SEMA5A: variants seen among roughly 807,000 people sequenced by gnomAD.
SEMA5A encodes the protein semaphorin 5A.
Under a neutral mutation model 135.5 loss-of-function variants are expected in SEMA5A, and 55 were observed. The ratio of observed to expected loss-of-function variants is 0.41; its 90% CI spans 0.33 to 0.51. The LOEUF is 0.51. Ranked by LOEUF, SEMA5A falls within the 20% of genes least tolerant of loss-of-function variation. SEMA5A has a pLI of 0.37. For synonymous variants in SEMA5A, 580 were observed against 546.5 expected (o/e 1.06, Z -0.85); for missense variants, 1,290 against 1,419.9 (o/e 0.91, Z 1.47).
intron 4 of SEMA5A, among the ~76,000 whole-genome samples, chr5:9,337,073 G>A (rs1172435286): frequency 6.6e-6 from 1 of 152,194 alleles, no homozygotes; most frequent in Non-Finnish European, 1.5e-5. Context: ...AAATTTGTTT[G>A]GATTGTGTTC....
At chr5:9,311,983 T>C (rs1029243330) in intron 5 of SEMA5A, among the ~76,000 whole-genome samples, 1 of 152,074 alleles carries the variant, frequency 6.6e-6, no homozygotes, top group Admixed American at 6.6e-5. Context: ...AATATAAAAA[T>C]GGATTTGGAG....
intron 1 of SEMA5A, among the ~76,000 whole-genome samples, chr5:9,468,349 G>A (rs1422138652): frequency 1.3e-5 from 2 of 152,112 alleles, no homozygotes; most frequent in African/African-American, 4.8e-5. Flanking sequence ...ACCCAGAGTG[G>A]GACCAGCTTC....
At chr5:9,414,287 T>G (rs1757208322) in intron 2 of SEMA5A, among the ~76,000 whole-genome samples, 1 of 152,248 alleles carries the variant, frequency 6.6e-6, no homozygotes, top group Admixed American at 6.5e-5. Context: ...TGGCTGCATT[T>G]AAGATCTAGC....
chr5:9,216,227 A>C (rs1746615631), intron 8 of SEMA5A, among the ~76,000 whole-genome samples: 1 of 152,108 alleles, frequency 6.6e-6, no homozygotes, highest in East Asian at 1.9e-4. Flanking sequence ...TTTCTGCCTT[A>C]ATTTCATTGT....
At position 9,037,683 on chromosome 5, in the gene SEMA5A, C is replaced by T. The variant is rs1735724763; in HGVS notation, c.*5214G>A. On this transcript the variant is annotated 3_prime_UTR_variant, in exon 23 of 23. Coordinates refer to ENST00000382496, the MANE Select transcript of SEMA5A (RefSeq NM_003966.3). The stretch of plus-strand genomic sequence containing the variant: ...AGAAAAGAAGCAAGGATTAAAGCAA[C>T]ATATTTTCCTTTGCTTTATTAGGTT... 1 of 152,088 alleles carries T rather than the reference C, an allele frequency of 6.6e-6. No individual in the cohort carries two copies. The highest frequency in any genetic ancestry group is 1.5e-5 in the Non-Finnish European group (1 of 68,024). 9.4% of individuals were successfully genotyped at this position (152,088 alleles called of 1,614,324 possible).
At chr5:9,224,211 C>T (rs1747165046) in intron 8 of SEMA5A, among the ~76,000 whole-genome samples, 1 of 152,136 alleles carries the variant, frequency 6.6e-6, no homozygotes, top group African/African-American at 2.4e-5. Flanking sequence ...TGAGTTGATA[C>T]ATTTTTTACA....
chr5:9,145,367 C>G (rs928453939), intron 12 of SEMA5A, among the ~76,000 whole-genome samples: 26 of 152,184 alleles, frequency 1.7e-4, no homozygotes, highest in Admixed American at 1.6e-3. Context: ...AAAGCCCCAT[C>G]CAGAACCATC....
At chr5:9,074,208 TG>T (rs1737921854) in intron 16 of SEMA5A, among the ~76,000 whole-genome samples, 1 of 152,174 alleles carries the variant, frequency 6.6e-6, no homozygotes, top group African/African-American at 2.4e-5. Context: ...TATGGCTTAT[TG>T]GTTTGTTTTG....
chr5:9,419,744 T>G (rs1303369953), intron 2 of SEMA5A, among the ~76,000 whole-genome samples: 2 of 152,184 alleles, frequency 1.3e-5, no homozygotes, highest in East Asian at 3.9e-4. Context: ...CTCCTGTTTA[T>G]CATCTGGGAG....
intron 1 of SEMA5A, among the ~76,000 whole-genome samples, chr5:9,503,227 C>A (rs933601435): frequency 5.9e-5 from 9 of 152,302 alleles, no homozygotes; most frequent in Non-Finnish European, 1.0e-4. Context: ...CTTCTTCACC[C>A]CCCAGGAGGA....
chr5:9,425,187 A>G (rs1330290373), intron 2 of SEMA5A, among the ~76,000 whole-genome samples: 1 of 146,930 alleles, frequency 6.8e-6, no homozygotes, highest in African/African-American at 2.6e-5. Context: ...TGTCACATGA[A>G]CCCATCTGAA....
At chr5:9,351,177 T>C (rs1754097363) in intron 3 of SEMA5A, among the ~76,000 whole-genome samples, 1 of 152,190 alleles carries the variant, frequency 6.6e-6, no homozygotes. Context: ...ATCTTTAGCT[T>C]TTACAAAGGG....
rs1348866279 is a variant in SEMA5A, at chr5:9,099,449, C to T, written c.2073+8691G>A. On this transcript the variant is annotated intron_variant, in intron 16 of 22. Transcript: ENST00000382496. ...TTTCAGCAAGGGAGATCAATTATTC[C>T]CTTTACGGAAGAATATTGGGAAATA... Among the ~76,000 whole-genome samples the T allele has an allele frequency of 2.0e-5, 3 of 152,020 alleles. 1 individual carries two copies. The highest frequency in any genetic ancestry group is 4.4e-5 in the Non-Finnish European group (3 of 68,006).
At position 9,204,439 on chromosome 5, in the gene SEMA5A, A is replaced by T. The variant is rs956026439; in HGVS notation, c.647-2199T>A. ...CTCAAAAGTCCTGAGCTGAAAAACG[A>T]GAAGATACAAAGGAAGAAAGATCTT... On this transcript the variant is annotated intron_variant, in intron 8 of 22. Coordinates refer to ENST00000382496, the MANE Select transcript of SEMA5A (RefSeq NM_003966.3). This position sits in a 1 kb window ranked among gnomAD's most constrained non-coding sequence, Gnocchi z 6.4. Among the ~76,000 whole-genome samples the T allele has an allele frequency of 6.6e-6, 1 of 152,228 alleles. No individual in the cohort carries two copies. Among genetic ancestry groups the T allele is most frequent in the African/African-American group, 2.4e-5 (1 of 41,462 alleles).
rs1755154186 is a variant in SEMA5A at position 9,371,966 on chromosome 5, G to C, written c.124+7857C>G. Among the ~76,000 whole-genome samples, 2 of 152,166 alleles carry C rather than the reference G, an allele frequency of 1.3e-5. 1 individual carries two copies. Among genetic ancestry groups the C allele is most frequent in the South Asian group, 4.1e-4 (2 of 4,828 alleles). On this transcript the variant is annotated intron_variant, in intron 3 of 22. Transcript: ENST00000382496. The stretch of plus-strand genomic sequence containing the variant: ...GTTAAAACTAAGTATTAAAATTAAT[G>C]TCATGCTATCTATTTCTAATTAAAA...
chr5:9,143,724 T>G (rs1330354390), intron 12 of SEMA5A, among the ~76,000 whole-genome samples: 1 of 152,178 alleles, frequency 6.6e-6, no homozygotes, highest in African/African-American at 2.4e-5. Context: ...GTGATTAACT[T>G]GGTTTGCCAG....
rs72287146 is a variant in SEMA5A at position 9,384,713 on chromosome 5, TAGACAGACAGAC to T, written c.-77-4702_-77-4691del. On this transcript the variant is annotated intron_variant, in intron 2 of 22. Coordinates refer to ENST00000382496, the MANE Select transcript of SEMA5A (RefSeq NM_003966.3). ...ATAGATAGATAGATAGATAGATAGA[TAGACAGACAGAC>T]AGACAGACAGACAGACAGATGCATA... Among the ~76,000 whole-genome samples, 100 of 100,848 alleles carry T rather than the reference TAGACAGACAGAC, an allele frequency of 9.9e-4. 9 individuals are homozygous for T. Among genetic ancestry groups the T allele is most frequent in the African/African-American group, 3.3e-3 (76 of 23,256 alleles). The allele number at this position is 100,848 out of a possible 152,430, so 66.2% of individuals were successfully genotyped here. A position where few individuals can be genotyped will look rare whatever the true frequency, so the allele number is the denominator to read the frequency against.
chr5:9,131,334 C>T (rs1044663530), intron 13 of SEMA5A, among the ~76,000 whole-genome samples: 11 of 151,980 alleles, frequency 7.2e-5, no homozygotes, highest in South Asian at 2.1e-4. Context: ...CTCAGCTGGG[C>T]GCAGTGGCTC....
At chr5:9,239,751 T>C (rs1278300663) in intron 5 of SEMA5A, among the ~76,000 whole-genome samples, 1 of 152,014 alleles carries the variant, frequency 6.6e-6, no homozygotes, top group Admixed American at 6.6e-5. Flanking sequence ...GAGGAACTGG[T>C]GTTACACAAT....
Sources: gnomAD v4.1 joint callset for allele counts (sites outside exome capture counted in the v4.1 genomes callset) on GRCh38, gnomAD v4.1.1 for gene constraint, Gnocchi (gnomAD v3.1) non-coding constraint, MANE v1.5 for transcripts, NCBI Gene and HGNC (gene_info 2026-07-23, HGNC 2026-07-21) for gene names.